The following CCSER1 variants were observed in gnomAD, a reference collection of about 807,000 sequenced individuals.
The protein encoded by CCSER1 is coiled-coil serine rich protein 1, also known as serine-rich coiled-coil domain-containing protein 1.
Under a neutral mutation model 82.0 loss-of-function variants are expected in CCSER1, and 41 were observed. The ratio of observed to expected loss-of-function variants is 0.50; its 90% CI spans 0.39 to 0.65. The LOEUF (loss-of-function observed/expected upper bound fraction) is 0.65. CCSER1 is among the 30% of genes least tolerant of loss of function. The probability of loss-of-function intolerance (pLI) is 0.00; values close to 1 mark genes in which losing one functional copy is unlikely to be tolerated. For synonymous variants in CCSER1, 414 were observed against 383.9 expected (o/e 1.08, Z -0.92); for missense variants, 1,119 against 1,064.2 (o/e 1.05, Z -0.72).
intron 10 of CCSER1, among the ~76,000 whole-genome samples, chr4:91,088,449 A>T (rs1469606819): frequency 6.6e-6 from 1 of 152,196 alleles, no homozygotes; most frequent in Admixed American, 6.5e-5. Flanking sequence ...ACGAATTGCC[A>T]GACAGGAAGG....
intron 10 of CCSER1, among the ~76,000 whole-genome samples, chr4:91,195,663 G>T (rs543934489): frequency 1.4e-4 from 21 of 152,138 alleles, no homozygotes; most frequent in Non-Finnish European, 2.6e-4. Flanking sequence ...TTCAATTTTA[G>T]TTATTCTTAT....
At chr4:90,286,542 TA>T (rs1436509276) in intron 1 of CCSER1, among the ~76,000 whole-genome samples, 4 of 151,886 alleles carry the variant, frequency 2.6e-5, no homozygotes, top group Non-Finnish European at 4.4e-5. Flanking sequence ...ATAACATAAA[TA>T]AAAAAATGAC....
At chr4:90,885,143 T>C (rs1224399102) in intron 8 of CCSER1, among the ~76,000 whole-genome samples, 2 of 152,162 alleles carry the variant, frequency 1.3e-5, no homozygotes, top group Admixed American at 1.3e-4. Context: ...CATAATTTTT[T>C]TTCTCAGAGG....
intron 10 of CCSER1, among the ~76,000 whole-genome samples, chr4:91,435,682 A>G (rs1303712010): frequency 1.3e-5 from 2 of 152,220 alleles, no homozygotes; most frequent in Non-Finnish European, 2.9e-5. Context: ...GGAAGTATTT[A>G]TGCTAACAAT....
At chr4:90,181,176 T>C (rs929148096) in intron 1 of CCSER1, among the ~76,000 whole-genome samples, 35 of 152,068 alleles carry the variant, frequency 2.3e-4, no homozygotes, top group African/African-American at 2.4e-5. Context: ...AATTTACCCA[T>C]GGAGCAAACC....
Position 91,474,425 on chromosome 4 carries a change from T to C in CCSER1, c.2218-124147T>C, listed in dbSNP as rs1757450266. Reference sequence around the variant, plus strand: ...TTTAATAAATATGTATAATATCTTATTCTGATATGGATATAGAATTTTACA... The same window carrying C: ...TTTAATAAATATGTATAATATCTTACTCTGATATGGATATAGAATTTTACA... On this transcript the variant is annotated intron_variant, in intron 10 of 10. Transcript: ENST00000509176. Among the ~76,000 whole-genome samples the C allele has an allele frequency of 2.0e-5, 3 of 151,776 alleles. No individual in the cohort carries two copies. The South Asian group carries it at 6.2e-4, about 31-fold the overall frequency.
chr4:90,716,357 A>T (rs1741639286), intron 6 of CCSER1, among the ~76,000 whole-genome samples: 1 of 151,988 alleles, frequency 6.6e-6, no homozygotes, highest in African/African-American at 2.4e-5. Flanking sequence ...AAGTCTTATG[A>T]TGTTCCCAAT....
intron 10 of CCSER1, among the ~76,000 whole-genome samples, chr4:91,098,626 C>G (rs1724740942): frequency 6.6e-6 from 1 of 151,644 alleles, no homozygotes; most frequent in Admixed American, 6.6e-5. Flanking sequence ...ACTGCAAGCT[C>G]CGCCTCCCGG....
At chr4:90,286,830 C>T (rs1578966488) in intron 1 of CCSER1, among the ~76,000 whole-genome samples, 3 of 151,920 alleles carry the variant, frequency 2.0e-5, no homozygotes, top group South Asian at 4.1e-4. Context: ...TATCACTGTT[C>T]TTTGGAAACT....
chr4:91,298,445 G>A (rs1435730697), intron 10 of CCSER1, among the ~76,000 whole-genome samples: 1 of 151,920 alleles, frequency 6.6e-6, no homozygotes. Context: ...CCTGCCCTTG[G>A]CCTTTTGCCT....
chr4:90,907,447 T>A (rs1024855947), intron 8 of CCSER1, among the ~76,000 whole-genome samples: 32 of 152,222 alleles, frequency 2.1e-4, no homozygotes, highest in African/African-American at 7.5e-4. Context: ...TATTCATCAT[T>A]TTTTGGATGA....
chr4:90,617,706 C>T (rs1051907757), intron 5 of CCSER1, among the ~76,000 whole-genome samples: 6 of 152,176 alleles, frequency 3.9e-5, no homozygotes, highest in African/African-American at 1.4e-4. Context: ...TATGTTGGTG[C>T]TATACTGATG....
intron 8 of CCSER1, chr4:90,838,987 T>C (rs1580720054): frequency 6.2e-7 from 1 of 1,612,970 alleles, no homozygotes. Flanking sequence ...TCTTCTTCAG[T>C]TTCGGCTTAT....
chr4:91,596,520 T>C (rs571365808), intron 10 of CCSER1, among the ~76,000 whole-genome samples: 3 of 152,106 alleles, frequency 2.0e-5, no homozygotes, highest in East Asian at 3.9e-4. Context: ...AACAATTAAA[T>C]AAACATATAA....
intron 10 of CCSER1, among the ~76,000 whole-genome samples, chr4:91,177,397 C>A (rs750765095): frequency 4.6e-5 from 7 of 152,160 alleles, no homozygotes; most frequent in Non-Finnish European, 5.9e-5. Context: ...AGGAATGGCA[C>A]AAGCTCCTCT....
chr4:90,628,199 G>A lies in CCSER1; in HGVS notation c.1899G>A (p.Thr633=), dbSNP rs375090018. 5 of 1,613,592 alleles carry A rather than the reference G, an allele frequency of 3.1e-6. No individual in the cohort carries two copies. Among genetic ancestry groups the A allele is most frequent in the East Asian group, 2.2e-5 (1 of 44,878 alleles). The change falls in exon 6 of 11, where the codon ACG becomes ACA. Residue 633 remains threonine, a synonymous_variant. Coordinates refer to ENST00000509176, the MANE Select transcript of CCSER1 (RefSeq NM_001145065.2). ...LMLQDCTAVK[T]LLLKMKRVLQ... ...TACAGGACTGCACGGCAGTCAAGAC[G>A]TTATTATTAAAGATGAAGAGAGTTC...
intron 8 of CCSER1, among the ~76,000 whole-genome samples, chr4:90,856,190 A>G (rs1367409626): frequency 6.6e-6 from 1 of 152,092 alleles, no homozygotes; most frequent in Non-Finnish European, 1.5e-5. Flanking sequence ...GGCTCAACAC[A>G]TGAGTCATAT....
chr4:91,306,057 G>GC (rs1286518613), intron 10 of CCSER1, among the ~76,000 whole-genome samples: 1 of 122,018 alleles, frequency 8.2e-6, no homozygotes, highest in Non-Finnish European at 1.7e-5. Context: ...ATATCAGTGT[G>GC]TTTGTGTGTG....
At chr4:91,543,020 T>C (rs1761688661) in intron 10 of CCSER1, among the ~76,000 whole-genome samples, 1 of 152,224 alleles carries the variant, frequency 6.6e-6, no homozygotes, top group Non-Finnish European at 1.5e-5. Flanking sequence ...CATAACTAGC[T>C]CTTCTTGTTG....
Sources: allele counts gnomAD v4.1 joint callset (sites outside exome capture counted in the v4.1 genomes callset), GRCh38; gene constraint gnomAD v4.1.1; transcripts MANE v1.5; gene names NCBI Gene and HGNC (gene_info 2026-07-23, HGNC 2026-07-21).